GRM3: variants seen among roughly 807,000 people sequenced by gnomAD.
GRM3 encodes the protein metabotropic glutamate receptor 3.
GRM3 carries 26 observed loss-of-function variants against 70.5 expected under a neutral mutation model. The ratio of observed to expected loss-of-function variants is 0.37; its 90% CI spans 0.27 to 0.51. The LOEUF (loss-of-function observed/expected upper bound fraction) is 0.51, where lower values mean the gene tolerates loss of function less well. Ranked by LOEUF, GRM3 falls within the 20% of genes least tolerant of loss-of-function variation. GRM3 has a pLI of 0.93. For missense variants in GRM3, 859 were observed against 1,123.8 expected, an observed-to-expected ratio of 0.76 and a Z score of 3.37; for synonymous variants, 443 against 434.9, an observed-to-expected ratio of 1.02 and a Z score of -0.23.
chr7:86,791,664 C>T (rs1051308757), intron 3 of GRM3, among the ~76,000 whole-genome samples: 2 of 152,218 alleles, frequency 1.3e-5, no homozygotes, highest in African/African-American at 4.8e-5. Flanking sequence ...TCCCAAACAT[C>T]TACCACAGTT....
chr7:86,696,560 C>A (rs563384968), intron 1 of GRM3, among the ~76,000 whole-genome samples: 18 of 152,308 alleles, frequency 1.2e-4, no homozygotes, highest in African/African-American at 4.3e-4. Context: ...ATTTCTTACA[C>A]CACTAAATTT....
chr7:86,763,527 G>A (rs1013776216), intron 1 of GRM3, among the ~76,000 whole-genome samples: 2 of 152,128 alleles, frequency 1.3e-5, no homozygotes, highest in Non-Finnish European at 2.9e-5. Context: ...GTTTTGGAAA[G>A]CTCTCTAGAA....
chr7:86,829,064 G>GGCT, intron 3 of GRM3, among the ~76,000 whole-genome samples: 1 of 152,274 alleles, frequency 6.6e-6, no homozygotes, highest in African/African-American at 2.4e-5. Context: ...CAGCAATTCA[G>GGCT]CCACATCTTC....
intron 3 of GRM3, among the ~76,000 whole-genome samples, chr7:86,810,738 C>A (rs1013222957): frequency 1.3e-5 from 2 of 151,904 alleles, no homozygotes; most frequent in Non-Finnish European, 2.9e-5. Context: ...TAGCAAGTCA[C>A]TCCTGTTATT....
At chr7:86,695,545 G>A (rs1274689462) in intron 1 of GRM3, among the ~76,000 whole-genome samples, 1 of 152,172 alleles carries the variant, frequency 6.6e-6, no homozygotes, top group African/African-American at 2.4e-5. Context: ...TAAAGGACGG[G>A]AAAGCTGAGC....
intron 1 of GRM3, among the ~76,000 whole-genome samples, chr7:86,692,772 A>T (rs1794725147): frequency 6.6e-6 from 1 of 152,226 alleles, no homozygotes. Context: ...AAAGTATATA[A>T]ACACTAGCAT....
intron 3 of GRM3, among the ~76,000 whole-genome samples, chr7:86,808,440 A>G (rs1260620900): frequency 6.6e-6 from 1 of 151,966 alleles, no homozygotes; most frequent in Non-Finnish European, 1.5e-5. Flanking sequence ...GACTCTGGAA[A>G]TTAAGAAGCG....
At chr7:86,799,596 C>T (rs770179739) in intron 3 of GRM3, among the ~76,000 whole-genome samples, 6 of 151,880 alleles carry the variant, frequency 4.0e-5, no homozygotes, top group African/African-American at 9.7e-5. Flanking sequence ...GTGCGATCTC[C>T]GCTCACTGCA....
At chr7:86,809,625 G>T (rs148532051) in intron 3 of GRM3, among the ~76,000 whole-genome samples, 19 of 152,106 alleles carry the variant, frequency 1.2e-4, no homozygotes, top group African/African-American at 3.9e-4. Context: ...CTTCATTGAT[G>T]AATGTGTTAT....
chr7:86,832,806 C>T (rs927617903), intron 3 of GRM3, among the ~76,000 whole-genome samples: 2 of 152,094 alleles, frequency 1.3e-5, no homozygotes, highest in African/African-American at 4.8e-5. Flanking sequence ...AGCCAAGTTC[C>T]CATTCGAAAC....
chr7:86,860,632 T>C (rs900229109), intron 5 of GRM3, among the ~76,000 whole-genome samples: 1 of 152,182 alleles, frequency 6.6e-6, no homozygotes, highest in African/African-American at 2.4e-5. Context: ...AGACATAGGT[T>C]GCTCCTTTGA....
intron 2 of GRM3, among the ~76,000 whole-genome samples, chr7:86,783,942 G>A (rs1371084233): frequency 6.6e-6 from 1 of 152,098 alleles, no homozygotes; most frequent in Admixed American, 6.5e-5. Flanking sequence ...CCTTTTTCTA[G>A]AGTCAGTTGT....
Position 86,838,706 on chromosome 7 carries a change from T to C in GRM3, c.1325-133T>C, listed in dbSNP as rs1447601779. 3 of 615,362 alleles carry C rather than the reference T, an allele frequency of 4.9e-6. No individual in the cohort carries two copies. In the East Asian group the frequency reaches 8.2e-5, roughly 17 times the overall value. The allele number at this position is 615,362 out of a possible 1,614,324, so 38.1% of individuals were successfully genotyped here. A position where few individuals can be genotyped will look rare whatever the true frequency, so the allele number is the denominator to read the frequency against. On this transcript the variant is annotated intron_variant, in intron 3 of 5. Transcript: ENST00000361669. ...GCTTTTGAAGTGTAACTTTCAATGG[T>C]AACTGATAAATTATTTCAGCCTTGG...
At chr7:86,833,165 A>G (rs1371767720) in intron 3 of GRM3, 1 of 928,366 alleles carries the variant, frequency 1.1e-6, no homozygotes, top group African/African-American at 1.8e-5. Flanking sequence ...AGAACTATGC[A>G]TATTCTCACT....
At chr7:86,811,504 C>T (rs1377770109) in intron 3 of GRM3, among the ~76,000 whole-genome samples, 1 of 151,722 alleles carries the variant, frequency 6.6e-6, no homozygotes, top group Non-Finnish European at 1.5e-5. Flanking sequence ...AATAGAGATG[C>T]AGCAGCTTAG....
intron 1 of GRM3, among the ~76,000 whole-genome samples, chr7:86,687,601 A>G (rs1017658352): frequency 2.0e-5 from 3 of 151,948 alleles, no homozygotes; most frequent in African/African-American, 7.2e-5. Context: ...GGGCAGACCT[A>G]CACTACAAGA....
chr7:86,648,620 G>A (rs1793535197), intron 1 of GRM3, among the ~76,000 whole-genome samples: 1 of 151,986 alleles, frequency 6.6e-6, no homozygotes, highest in South Asian at 2.1e-4. Flanking sequence ...TATTCACCGT[G>A]CTGCATTATG....
At chr7:86,708,581 C>T (rs1795112281) in intron 1 of GRM3, among the ~76,000 whole-genome samples, 1 of 152,032 alleles carries the variant, frequency 6.6e-6, no homozygotes, top group South Asian at 2.1e-4. Flanking sequence ...AGACATCTGG[C>T]AAAGGATCAG....
At chr7:86,775,851 A>G (rs1484424329) in intron 2 of GRM3, 1 of 152,016 alleles carries the variant, frequency 6.6e-6, no homozygotes, top group Non-Finnish European at 1.5e-5. Context: ...TCAAGCCTAT[A>G]TGTTACCTCT....
Sources: allele counts gnomAD v4.1 joint callset (sites outside exome capture counted in the v4.1 genomes callset), GRCh38; gene constraint gnomAD v4.1.1; transcripts MANE v1.5; gene names NCBI Gene and HGNC (gene_info 2026-07-23, HGNC 2026-07-21).